Variants in CNTN6 observed in about 807,000 individuals in gnomAD.
CNTN6 encodes contactin-6.
Under a neutral mutation model 122.8 loss-of-function variants are expected in CNTN6, and 137 were observed. That is an observed-to-expected ratio of 1.12 (90% CI 0.97 to 1.29). The LOEUF (loss-of-function observed/expected upper bound fraction) is 1.29, where lower values mean the gene tolerates loss of function less well. Among genes scored for constraint, CNTN6 ranks in the 50% most tolerant of loss-of-function variants. The probability of loss-of-function intolerance (pLI) is 0.00; values close to 1 mark genes in which losing one functional copy is unlikely to be tolerated. For missense variants in CNTN6, 1,634 were observed against 1,223.4 expected (o/e 1.34, Z -5.01); for synonymous variants, 570 against 426.0 (o/e 1.34, Z -4.16).
chr3:1,333,022 A>G (rs143173537), intron 11 of CNTN6, among the ~76,000 whole-genome samples: 13 of 152,170 alleles, frequency 8.5e-5, no homozygotes, highest in African/African-American at 3.1e-4. Context: ...ATTTCACAAA[A>G]TATGTTTTCT....
intron 16 of CNTN6, among the ~76,000 whole-genome samples, chr3:1,376,508 CGAG>C (rs756418262): frequency 7.9e-5 from 12 of 151,944 alleles, no homozygotes; most frequent in Non-Finnish European, 1.5e-4. Flanking sequence ...GAGATTGTAA[CGAG>C]GAGTTTTAAA....
chr3:1,403,220 G>A (rs1695954079), intron 22 of CNTN6, 98 bp from the exon 23 acceptor site: 2 of 676,156 alleles, frequency 3.0e-6, no homozygotes, highest in Non-Finnish European at 2.5e-6. Context: ...TATGTTACTA[G>A]AAGAGAAATG....
chr3:1,099,209 T>C (rs548136696), intron 1 of CNTN6, among the ~76,000 whole-genome samples: 17 of 152,146 alleles, frequency 1.1e-4, no homozygotes, highest in South Asian at 1.0e-3. Context: ...CCCAGCACTT[T>C]GGGAGGCCGA....
intron 20 of CNTN6, among the ~76,000 whole-genome samples, chr3:1,390,380 A>G (rs1387953273): frequency 6.6e-6 from 1 of 151,694 alleles, no homozygotes; most frequent in Non-Finnish European, 1.5e-5. Flanking sequence ...AAGACACAAC[A>G]TACCAGAATC....
At chr3:1,272,006 G>A (rs534599375) in intron 4 of CNTN6, among the ~76,000 whole-genome samples, 1 of 152,110 alleles carries the variant, frequency 6.6e-6, no homozygotes, top group Non-Finnish European at 1.5e-5. Flanking sequence ...ATGGGGGCAG[G>A]TTTTACCCAT....
rs1461566448 is a variant in CNTN6 at position 1,352,348 on chromosome 3, C to T, written c.1389C>T (p.Ser463=). The T allele has an allele frequency of 6.5e-7, 1 of 1,542,850 alleles. No homozygotes were observed. Among genetic ancestry groups the T allele is most frequent in the Admixed American group, 1.9e-5 (1 of 53,104 alleles). Residue 463 remains serine (S), a synonymous_variant, in exon 12 of 23, where the codon AGC becomes AGT. Transcript: ENST00000446702. Reference sequence around the variant, plus strand: ...GAATATTTCTCTTGGAGGATGGCAGCCTCAAGATATATAATATTACCAGGT... The same window carrying T: ...GAATATTTCTCTTGGAGGATGGCAGTCTCAAGATATATAATATTACCAGGT... ...SKRIFLLEDG[S]LKIYNITRSD...
intron 4 of CNTN6, among the ~76,000 whole-genome samples, chr3:1,229,193 A>T (rs887423764): frequency 6.6e-6 from 1 of 152,242 alleles, no homozygotes; most frequent in Non-Finnish European, 1.5e-5. Flanking sequence ...CGAACATAGG[A>T]TAAAAATATT....
At chr3:1,103,747 G>T (rs540422539) in intron 1 of CNTN6, among the ~76,000 whole-genome samples, 1 of 152,202 alleles carries the variant, frequency 6.6e-6, no homozygotes, top group Non-Finnish European at 1.5e-5. Flanking sequence ...TACTTATGAG[G>T]CAAAAGTCAT....
intron 2 of CNTN6, among the ~76,000 whole-genome samples, chr3:1,182,728 C>G (rs74416981): frequency 0.011 from 1,612 of 151,908 alleles, 31 homozygotes; most frequent in African/African-American, 0.036. Context: ...TGCCTGAATG[C>G]TTGTGATATA....
chr3:1,372,106 A>G (rs1047381864), intron 12 of CNTN6, among the ~76,000 whole-genome samples, 193 bp from the exon 13 acceptor site: 6 of 152,318 alleles, frequency 3.9e-5, no homozygotes, highest in Admixed American at 1.3e-4. Context: ...TAATTTTAGT[A>G]TAAGTAATAA....
At chr3:1,353,943 A>T (rs1361157039) in intron 12 of CNTN6, among the ~76,000 whole-genome samples, 2 of 151,510 alleles carry the variant, frequency 1.3e-5, no homozygotes, top group Non-Finnish European at 3.0e-5. Flanking sequence ...GTGATCTGGG[A>T]GGAGGGCCAA....
chr3:1,155,936 CTA>C (rs891018736), intron 2 of CNTN6, among the ~76,000 whole-genome samples: 11 of 152,230 alleles, frequency 7.2e-5, no homozygotes, highest in Admixed American at 7.2e-4. Context: ...TGTCATTACT[CTA>C]TGTCAAGACC....
intron 1 of CNTN6, among the ~76,000 whole-genome samples, chr3:1,134,320 G>C (rs974689827): frequency 6.6e-6 from 1 of 152,154 alleles, no homozygotes; most frequent in African/African-American, 2.4e-5. Flanking sequence ...AATGTTGCTG[G>C]TGATAGATAG....
intron 4 of CNTN6, among the ~76,000 whole-genome samples, chr3:1,242,590 G>A (rs981143552): frequency 6.6e-6 from 1 of 152,176 alleles, no homozygotes; most frequent in Non-Finnish European, 1.5e-5. Context: ...ATTTTAACGG[G>A]ATGGTAATGG....
rs1281518514 is a variant in CNTN6, at chr3:1,327,570, T to G, written c.1197T>G (p.Ala399=). 3 of 1,610,066 alleles carry G rather than the reference T, an allele frequency of 1.9e-6. No homozygotes were observed. In the African/African-American group the frequency reaches 4.0e-5, roughly 22 times the overall value. Residue 399 remains alanine, a synonymous_variant, in exon 10 of 23, where the codon GCT becomes GCG. Coordinates refer to ENST00000446702, the MANE Select transcript of CNTN6 (RefSeq NM_001289080.2). The part of the protein sequence containing the change: ...ENKYQIIYAN[A]ELRVLASAPD... ...AATATCAGATAATTTATGCAAATGC[T>G]GAATTGAGAGTTTTAGGTAAGTCGT...
At chr3:1,113,550 A>G (rs2091579538) in intron 1 of CNTN6, among the ~76,000 whole-genome samples, 1 of 152,206 alleles carries the variant, frequency 6.6e-6, no homozygotes, top group Non-Finnish European at 1.5e-5. Context: ...GAAGAAAGAT[A>G]AAGTCATCAA....
intron 7 of CNTN6, among the ~76,000 whole-genome samples, chr3:1,300,903 G>A (rs405160): frequency 0.58 from 87,453 of 151,670 alleles, 25,442 homozygotes; most frequent in East Asian, 0.78. Context: ...TATGAGGTAT[G>A]TGGAATAATT....
chr3:1,132,858 T>G (rs968950973), intron 1 of CNTN6, among the ~76,000 whole-genome samples: 1 of 152,060 alleles, frequency 6.6e-6, no homozygotes, highest in African/African-American at 2.4e-5. Flanking sequence ...TAAAAAAGTC[T>G]TATGTGTCTG....
At chr3:1,200,558 TA>T (rs1324996609) in intron 2 of CNTN6, among the ~76,000 whole-genome samples, 5 of 152,330 alleles carry the variant, frequency 3.3e-5, no homozygotes, top group African/African-American at 1.2e-4. Context: ...GGCCTGAGTC[TA>T]GTTTCTTCTC....
Sources: gnomAD v4.1 joint callset for allele counts (sites outside exome capture counted in the v4.1 genomes callset) on GRCh38, gnomAD v4.1.1 for gene constraint, MANE v1.5 for transcripts, NCBI Gene and HGNC (gene_info 2026-07-23, HGNC 2026-07-21) for gene names.